The following IMMP2L variants were observed in gnomAD, a reference collection of about 807,000 sequenced individuals.
IMMP2L encodes inner mitochondrial membrane peptidase subunit 2.
Under a neutral mutation model 19.3 loss-of-function variants are expected in IMMP2L, and 18 were observed. That is an observed-to-expected ratio of 0.93 (90% CI 0.64 to 1.38). The LOEUF (loss-of-function observed/expected upper bound fraction) is 1.38, where lower values mean the gene tolerates loss of function less well. Ranked by LOEUF, IMMP2L falls within the 40% of genes most tolerant of loss-of-function variation. IMMP2L has a pLI of 0.00. For missense variants in IMMP2L, 233 were observed against 218.2 expected (o/e 1.07, Z -0.43); for synonymous variants, 76 against 73.0 (o/e 1.04, Z -0.21).
At chr7:110,800,598 G>C (rs1584870790) in intron 5 of IMMP2L, among the ~76,000 whole-genome samples, 1 of 151,994 alleles carries the variant, frequency 6.6e-6, no homozygotes, top group Non-Finnish European at 1.5e-5. Context: ...TAATATGCTG[G>C]TTTGAATGAA....
chr7:110,782,691 A>C (rs1021363902), intron 5 of IMMP2L, among the ~76,000 whole-genome samples: 50 of 151,912 alleles, frequency 3.3e-4, no homozygotes, highest in African/African-American at 1.2e-3. Context: ...TGTGCTAGGC[A>C]CTCAGCTACA....
intron 1 of IMMP2L, among the ~76,000 whole-genome samples, chr7:111,561,105 C>T (rs921446777): frequency 2.6e-5 from 4 of 152,116 alleles, no homozygotes; most frequent in African/African-American, 9.7e-5. Flanking sequence ...TTTCACCATA[C>T]AGGGGAGAGG....
chr7:111,462,300 C>A (rs536572931), intron 3 of IMMP2L, among the ~76,000 whole-genome samples: 1 of 151,902 alleles, frequency 6.6e-6, no homozygotes, highest in Non-Finnish European at 1.5e-5. Context: ...TGATCATCAC[C>A]TGAATAAGAT....
At chr7:111,283,489 G>C (rs1468220324) in intron 3 of IMMP2L, among the ~76,000 whole-genome samples, 1 of 152,172 alleles carries the variant, frequency 6.6e-6, no homozygotes, top group East Asian at 1.9e-4. Context: ...AGGTGTTGAA[G>C]TGAATGATAA....
chr7:110,705,703 G>C (rs1694188420), intron 5 of IMMP2L, among the ~76,000 whole-genome samples: 1 of 152,082 alleles, frequency 6.6e-6, no homozygotes, highest in Non-Finnish European at 1.5e-5. Context: ...TGGGTGCATA[G>C]TACCCAAAAG....
intron 3 of IMMP2L, among the ~76,000 whole-genome samples, chr7:110,986,386 T>A (rs2129558816): frequency 6.6e-6 from 1 of 152,292 alleles, no homozygotes; most frequent in South Asian, 2.1e-4. Context: ...GATAAAATTT[T>A]AACTCAGCAT....
rs115853491 is a variant in IMMP2L, at chr7:111,017,554, G to A, written c.240-53989C>T. ...AGGAGGCTTAGATACCCCACTCCCAGATATGGAAATTGTCTGACATCCTCT... is the reference window on the plus strand; with the variant it reads ...AGGAGGCTTAGATACCCCACTCCCAAATATGGAAATTGTCTGACATCCTCT... On this transcript the variant is annotated intron_variant, in intron 3 of 5. Transcript: ENST00000405709. 3.9e-3 allele frequency among the ~76,000 whole-genome samples: 599 copies of A among 152,256 alleles called. 6 individuals are homozygous for A. Among genetic ancestry groups the A allele is most frequent in the African/African-American group, 0.013 (548 of 41,554 alleles).
intron 3 of IMMP2L, among the ~76,000 whole-genome samples, chr7:111,418,728 A>C (rs962653406): frequency 6.6e-6 from 1 of 150,962 alleles, no homozygotes; most frequent in African/African-American, 2.4e-5. Flanking sequence ...CAATTAATTT[A>C]AGAAAATAAA....
At chr7:111,064,996 C>T (rs1794363045) in intron 3 of IMMP2L, among the ~76,000 whole-genome samples, 1 of 152,218 alleles carries the variant, frequency 6.6e-6, no homozygotes, top group East Asian at 1.9e-4. Flanking sequence ...GGTCACTCCA[C>T]CAGGAAAAAA....
chr7:111,083,498 G>A (rs1796055393), intron 3 of IMMP2L, among the ~76,000 whole-genome samples: 1 of 152,140 alleles, frequency 6.6e-6, no homozygotes, highest in African/African-American at 2.4e-5. Flanking sequence ...CAAAAGTTAA[G>A]CTATAAAACC....
chr7:110,945,175 G>A (rs191338521), intron 4 of IMMP2L, among the ~76,000 whole-genome samples: 1 of 151,928 alleles, frequency 6.6e-6, no homozygotes, highest in Non-Finnish European at 1.5e-5. Flanking sequence ...GGGATACTCC[G>A]AGGCCAGATT....
chr7:111,266,787 TATACAC>T (rs1305526614), intron 3 of IMMP2L, among the ~76,000 whole-genome samples: 1 of 152,152 alleles, frequency 6.6e-6, no homozygotes, highest in Non-Finnish European at 1.5e-5. Context: ...ACTGCCCTCT[TATACAC>T]ATAGTTAAAA....
At chr7:110,796,526 T>C (rs1297553494) in intron 5 of IMMP2L, among the ~76,000 whole-genome samples, 1 of 152,056 alleles carries the variant, frequency 6.6e-6, no homozygotes, top group African/African-American at 2.4e-5. Flanking sequence ...TTAAATATTA[T>C]TGGACCAAGT....
intron 5 of IMMP2L, among the ~76,000 whole-genome samples, chr7:110,823,148 A>T (rs1304575960): frequency 6.6e-6 from 1 of 152,108 alleles, no homozygotes; most frequent in African/African-American, 2.4e-5. Context: ...ATCCTAACTC[A>T]TTAATAAAAG....
At chr7:111,405,801 C>A (rs1833857062) in intron 3 of IMMP2L, among the ~76,000 whole-genome samples, 1 of 152,180 alleles carries the variant, frequency 6.6e-6, no homozygotes, top group East Asian at 1.9e-4. Context: ...ACTCTACCTG[C>A]AGACCAAATG....
chr7:110,873,535 G>A (rs559477688), intron 5 of IMMP2L, among the ~76,000 whole-genome samples: 14 of 151,100 alleles, frequency 9.3e-5, no homozygotes, highest in African/African-American at 2.7e-4. Flanking sequence ...AGGCTGAGGC[G>A]GGCGGATTAC....
At chr7:110,886,908 T>G (rs957843863) in intron 4 of IMMP2L, among the ~76,000 whole-genome samples, 4 of 152,150 alleles carry the variant, frequency 2.6e-5, no homozygotes, top group Non-Finnish European at 5.9e-5. Flanking sequence ...TAGGTAAGAA[T>G]TTTGTGCTTA....
At chr7:111,548,690 CTAAG>C (rs1849170182) in intron 1 of IMMP2L, among the ~76,000 whole-genome samples, 1 of 151,982 alleles carries the variant, frequency 6.6e-6, no homozygotes, top group East Asian at 1.9e-4. Flanking sequence ...CCATTTTTCT[CTAAG>C]TATTTTAAAC....
chr7:110,908,663 C>T (rs1247936263), intron 4 of IMMP2L, among the ~76,000 whole-genome samples: 2 of 152,320 alleles, frequency 1.3e-5, no homozygotes, highest in Non-Finnish European at 2.9e-5. Context: ...TATATTTATG[C>T]TTTCAACTAT....
Sources: gnomAD v4.1 joint callset for allele counts (sites outside exome capture counted in the v4.1 genomes callset) on GRCh38, gnomAD v4.1.1 for gene constraint, MANE v1.5 for transcripts, NCBI Gene and HGNC (gene_info 2026-07-23, HGNC 2026-07-21) for gene names.